ZNF584: variants seen among roughly 807,000 people sequenced by gnomAD.
ZNF584 encodes zinc finger protein 584.
A neutral mutation model predicts 14.7 loss-of-function variants in ZNF584; 12 were observed. The observed-to-expected ratio is 0.82, with a 90% confidence interval of 0.52 to 1.32. The LOEUF (loss-of-function observed/expected upper bound fraction) is 1.32. ZNF584 is among the 40% of genes most tolerant of loss of function. The pLI is 0.00. For synonymous variants in ZNF584, 204 were observed against 190.9 expected, an observed-to-expected ratio of 1.07 and a Z score of -0.57; for missense variants, 478 against 518.8, an observed-to-expected ratio of 0.92 and a Z score of 0.76.
At chr19:58,405,123 AGAGGCGCCCCGCACCTCCCGGAC>A (rs1402149704), upstream of ZNF584, 1 of 135,688 alleles carries the variant, frequency 7.4e-6, no homozygotes, top group Non-Finnish European at 1.6e-5. Flanking sequence ...GCGGCCGGGC[AGAGGCGCCCCGCACCTCCCGGAC>A]GGGGCGGCTG....
At chr19:58,410,705 GTATATATGTGTATA>G (rs1485051316) in intron 2 of ZNF584, among the ~76,000 whole-genome samples, 1 of 42,830 alleles carries the variant, frequency 2.3e-5, no homozygotes, top group Non-Finnish European at 3.8e-5. Context: ...ATATATATAT[GTATATATGTGTATA>G]TATATATGTA....
In ZNF584 at chr19:58,417,554, A is replaced by G. The variant is rs1267798665; in HGVS notation, c.1036A>G (p.Lys346Glu). 6.2e-7 allele frequency: 1 copy of G among 1,614,170 alleles called. No individual in the cohort carries two copies. Among genetic ancestry groups the G allele is most frequent in the South Asian group, 1.1e-5 (1 of 91,082 alleles). ...VTRSGLYQHW[K>E]VHTGERPYEC... Reference sequence around the variant, plus strand: ...CCGTTCAGGCCTCTATCAGCACTGGAAAGTCCACACTGGGGAACGGCCCTA... The same window carrying G: ...CCGTTCAGGCCTCTATCAGCACTGGGAAGTCCACACTGGGGAACGGCCCTA... The change falls in exon 4 of 4, where the codon AAA becomes GAA. Residue 346 changes from lysine to glutamate, a missense_variant. Transcript: ENST00000306910.
chr19:58,402,672 A>G (rs1411889085), intron 1 of ZNF584, among the ~76,000 whole-genome samples: 1 of 151,902 alleles, frequency 6.6e-6, no homozygotes, highest in African/African-American at 2.4e-5. Context: ...AAAATACAAA[A>G]TTAGCTGGGC....
rs774540332 is a variant in ZNF584 at position 58,408,896 on chromosome 19, C to T, written c.-252C>T. The T allele has an allele frequency of 4.8e-6, 2 of 413,972 alleles. No homozygotes were observed. Among genetic ancestry groups the T allele is most frequent in the Admixed American group, 8.9e-5 (2 of 22,500 alleles). 25.6% of individuals were successfully genotyped at this position (413,972 alleles called of 1,614,324 possible). A position where few individuals can be genotyped will look rare whatever the true frequency, so the allele number is the denominator to read the frequency against. ...GACCTTTGCCGCGCCTTCCACGCGC[C>T]GTGCCCCACCGGCGAGTGGCTCCAT... On this transcript the variant is annotated 5_prime_UTR_variant, in exon 1 of 4. Transcript: ENST00000306910.
chr19:58,409,211 G>T, intron 1 of ZNF584, 46 bp downstream of exon 1: 1 of 1,396,672 alleles, frequency 7.2e-7, no homozygotes, highest in East Asian at 2.8e-5. Context: ...CACCAGGTGG[G>T]GGGCGGCGTG....
chr19:58,412,270 C>A (rs893887557), intron 2 of ZNF584, among the ~76,000 whole-genome samples: 6 of 140,294 alleles, frequency 4.3e-5, no homozygotes, highest in African/African-American at 1.7e-4. Context: ...ACTGCAGTGG[C>A]GCAATCTCGA....
intron 2 of ZNF584, among the ~76,000 whole-genome samples, chr19:58,412,631 T>C (rs2052591537): frequency 6.6e-6 from 1 of 152,226 alleles, no homozygotes; most frequent in Non-Finnish European, 1.5e-5. Context: ...ATAATGTCTC[T>C]GTATTGAGTA....
rs192757832 is a variant in ZNF584 at position 58,415,100 on chromosome 19, A to G, written c.170-424A>G. Among the ~76,000 whole-genome samples, 21 of 152,034 alleles carry G rather than the reference A, an allele frequency of 1.4e-4. No individual in the cohort carries two copies. In the East Asian group the frequency reaches 1.7e-3, roughly 13 times the overall value. ...AGTAGAAGGGGGGTTTCACCGTGTT[A>G]GCCAGGATAGTCTTGATCTCCTGAC... On this transcript the variant is annotated intron_variant, in intron 2 of 3. Transcript: ENST00000306910.
Position 58,417,248 on chromosome 19 carries a change from T to G in ZNF584, c.730T>G (p.Cys244Gly). The G allele has an allele frequency of 6.2e-7, 1 of 1,614,126 alleles. No homozygotes were observed. Among genetic ancestry groups the G allele is most frequent in the Non-Finnish European group, 8.5e-7 (1 of 1,180,024 alleles). Residue 244 changes from cysteine to glycine, a missense_variant, in exon 4 of 4, where the codon TGT (cysteine) becomes GGT (glycine). Physicochemically the swap from Cys to Gly is radical, Grantham distance 159. Coordinates refer to ENST00000306910, the MANE Select transcript of ZNF584 (RefSeq NM_173548.3). Reference protein sequence around the residue: ...KVHTGIKPFKCSDCGKTFNRK... With the variant: ...KVHTGIKPFKGSDCGKTFNRK... ...TCACACAGGCATAAAACCTTTTAAG[T>G]GTAGTGACTGTGGTAAAACCTTCAA...
chr19:58,416,056 G>A, intron 3 of ZNF584: 11 of 1,284,456 alleles, frequency 8.6e-6, no homozygotes, highest in Non-Finnish European at 1.2e-5. Flanking sequence ...GTCACCAGCA[G>A]CCAAGGCCCT....
intron 3 of ZNF584, chr19:58,415,925 A>T: frequency 6.3e-7 from 1 of 1,598,648 alleles, no homozygotes; most frequent in Non-Finnish European, 8.5e-7. Flanking sequence ...TGAAATGTGC[A>T]CATATCCTTA....
At chr19:58,409,892 C>T in intron 1 of ZNF584, 49 bp from the exon 2 acceptor site, 1 of 1,612,034 alleles carries the variant, frequency 6.2e-7, no homozygotes, top group Non-Finnish European at 8.5e-7. Flanking sequence ...TGAATGTGTC[C>T]ATCTGTCCAT....
At chr19:58,402,909 G>A (rs1189935426) in intron 1 of ZNF584, among the ~76,000 whole-genome samples, 1 of 150,988 alleles carries the variant, frequency 6.6e-6, no homozygotes, top group Non-Finnish European at 1.5e-5. Context: ...TGGCAAATAG[G>A]CACATGAAAA....
At chr19:58,410,547 A>T (rs1434681693) in intron 2 of ZNF584, among the ~76,000 whole-genome samples, 122 of 30,500 alleles carry the variant, frequency 4.0e-3, no homozygotes, top group Non-Finnish European at 5.1e-3. Context: ...ATATATATAT[A>T]TATATATATA....
chr19:58,412,197 G>GCCTTTTTTTTTTTTTTTTTTTTT (rs1225346355), intron 2 of ZNF584, among the ~76,000 whole-genome samples: 2 of 97,980 alleles, frequency 2.0e-5, no homozygotes, highest in African/African-American at 1.1e-4. Flanking sequence ...GGCCAGGGTG[G>GCCTTTTTTTTTTTTTTTTTTTTT]TCTTTTTTTT....
chr19:58,409,801 G>C, intron 1 of ZNF584, 140 bp from the exon 2 acceptor site: 1 of 975,196 alleles, frequency 1.0e-6, no homozygotes, highest in Non-Finnish European at 1.6e-6. Flanking sequence ...AGGGAGTAAG[G>C]TGGGGAAGAG....
Position 58,417,031 on chromosome 19 carries a change from C to T in ZNF584, c.513C>T (p.Ala171=), listed in dbSNP as rs775989623. 8.1e-6 allele frequency: 13 copies of T among 1,611,024 alleles called. No individual in the cohort carries two copies. The highest frequency in any genetic ancestry group is 1.1e-5 in the Non-Finnish European group (13 of 1,178,078). ...CSDCGKVFLK[A]FALLDHLITH... ...ACTGTGGGAAGGTGTTCTTAAAGGCCTTTGCCCTCCTTGACCATCTGATAA... is the reference window on the plus strand; with the variant it reads ...ACTGTGGGAAGGTGTTCTTAAAGGCTTTTGCCCTCCTTGACCATCTGATAA... The change falls in exon 4 of 4, where the codon GCC becomes GCT. Residue 171 remains alanine (A), a synonymous_variant. Transcript: ENST00000306910.
chr19:58,417,394 C>T lies in ZNF584; in HGVS notation c.876C>T (p.His292=), dbSNP rs772714525. 23 of 1,606,242 alleles carry T rather than the reference C, an allele frequency of 1.4e-5. No homozygotes were observed. Among genetic ancestry groups the T allele is most frequent in the Non-Finnish European group, 1.7e-5 (20 of 1,173,740 alleles). The change falls in exon 4 of 4, where the codon CAC becomes CAT. Residue 292 remains histidine, a synonymous_variant. Transcript: ENST00000306910. The part of the protein sequence containing the change: ...LSTLIRHRKV[H]IGERPYECTE... ...CCCTCATTCGGCACCGGAAAGTGCA[C>T]ATTGGAGAAAGGCCCTATGAGTGTA...
At chr19:58,410,969 T>C (rs2052563257) in intron 2 of ZNF584, among the ~76,000 whole-genome samples, 1 of 150,358 alleles carries the variant, frequency 6.7e-6, no homozygotes, top group Non-Finnish European at 1.5e-5. Flanking sequence ...TTTTTGTATT[T>C]TTAGTAGAGA....
Sources: allele counts gnomAD v4.1 joint callset (sites outside exome capture counted in the v4.1 genomes callset), GRCh38; gene constraint gnomAD v4.1.1; transcripts MANE v1.5; gene names NCBI Gene and HGNC (gene_info 2026-07-23, HGNC 2026-07-21).